Variants in CCDC185 observed in about 807,000 individuals in gnomAD.
CCDC185 encodes the protein coiled-coil domain containing 185, also known as coiled-coil domain-containing protein 185.
For synonymous variants in CCDC185, 381 were observed against 348.1 expected, an observed-to-expected ratio of 1.09 and a Z score of -1.05; for missense variants, 982 against 825.3, an observed-to-expected ratio of 1.19 and a Z score of -2.33.
Position 223,394,214 on chromosome 1 carries a change from C to A in CCDC185, c.739C>A (p.Leu247Met). ...SPHTQVLKSK[L>M]EEVVVSSQDQ... ...GCACACCCAGGTCCTGAAGAGCAAG[C>A]TGGAAGAGGTGGTGGTGTCCTCCCA... The change falls in exon 1 of 1, where the codon CTG (leucine) becomes ATG (methionine). Residue 247 changes from leucine to methionine, a missense_variant. Coordinates refer to ENST00000366875, the MANE Select transcript of CCDC185 (RefSeq NM_152610.3). 1 of 1,613,974 alleles carries A rather than the reference C, an allele frequency of 6.2e-7. No homozygotes were observed. The highest frequency in any genetic ancestry group is 8.5e-7 in the Non-Finnish European group (1 of 1,180,032).
At position 223,394,941 on chromosome 1, in the gene CCDC185, G is replaced by A. The variant is rs1669642422; in HGVS notation, c.1466G>A (p.Arg489Lys). The change falls in exon 1 of 1, where the codon AGG becomes AAG. Residue 489 changes from arginine to lysine, a missense_variant. By Grantham distance (26) the Arg-to-Lys change is conservative. Coordinates refer to ENST00000366875, the MANE Select transcript of CCDC185 (RefSeq NM_152610.3). ...QKEEEQLQQA[R>K]WRAGESEEQR... Reference sequence around the variant, plus strand: ...GAGGAAGAGCAGTTGCAGCAGGCCAGGTGGCGCGCAGGGGAGTCAGAGGAA... The same window carrying A: ...GAGGAAGAGCAGTTGCAGCAGGCCAAGTGGCGCGCAGGGGAGTCAGAGGAA... 1 of 1,614,196 alleles carries A rather than the reference G, an allele frequency of 6.2e-7. No individual in the cohort carries two copies. Among genetic ancestry groups the A allele is most frequent in the East Asian group, 2.2e-5 (1 of 44,866 alleles).
Position 223,394,490 on chromosome 1 carries a change from G to A in CCDC185, c.1015G>A (p.Val339Met), listed in dbSNP as rs1248463970. The change falls in exon 1 of 1, where the codon GTG (valine) becomes ATG (methionine). Residue 339 changes from valine (V) to methionine (M), a missense_variant. Physicochemically the swap from Val to Met is conservative, Grantham distance 21 (BLOSUM62 1). Coordinates refer to ENST00000366875, the MANE Select transcript of CCDC185 (RefSeq NM_152610.3). ...GLRRDSQRKN[V>M]PPGESRWKEQ... ...GCGGCGGGACAGCCAGAGGAAGAACGTGCCCCCGGGGGAAAGCCGGTGGAA... is the reference window on the plus strand; with the variant it reads ...GCGGCGGGACAGCCAGAGGAAGAACATGCCCCCGGGGGAAAGCCGGTGGAA... 1.9e-6 allele frequency: 3 copies of A among 1,580,182 alleles called. No individual in the cohort carries two copies. Among genetic ancestry groups the A allele is most frequent in the East Asian group, 4.7e-5 (2 of 43,004 alleles).
In CCDC185 at chr1:223,395,108, A is replaced by G. The variant is rs1669645885; in HGVS notation, c.1633A>G (p.Ile545Val). The change falls in exon 1 of 1, where the codon ATC becomes GTC. Residue 545 changes from isoleucine to valine, a missense_variant. By Grantham distance (29) the Ile-to-Val change is conservative. Transcript: ENST00000366875. ...CCACCTGAGGGAGAAAAACCACCAC[A>G]TCCTGAAACTGAAAGCCGAGAAGGA... is the stretch of plus-strand genomic sequence containing the variant. Reference protein sequence around the residue: ...LNHLREKNHHILKLKAEKEEK... With the variant: ...LNHLREKNHHVLKLKAEKEEK... 3 of 1,614,052 alleles carry G rather than the reference A, an allele frequency of 1.9e-6. No individual in the cohort carries two copies. Among genetic ancestry groups the G allele is most frequent in the South Asian group, 2.2e-5 (2 of 91,086 alleles).
Position 223,395,019 on chromosome 1 carries a change from G to C in CCDC185, c.1544G>C (p.Arg515Pro), listed in dbSNP as rs567512159. Residue 515 changes from arginine to proline, a missense_variant, in exon 1 of 1, where the codon CGA becomes CCA. Coordinates refer to ENST00000366875, the MANE Select transcript of CCDC185 (RefSeq NM_152610.3). The part of the protein sequence containing the change: ...ILVELADEKI[R>P]QARSHVHKTT... ...GTGGAGCTGGCGGATGAGAAGATCC[G>C]ACAGGCCAGGAGTCACGTGCACAAG... 4.3e-6 allele frequency: 7 copies of C among 1,614,028 alleles called. No homozygotes were observed. Among genetic ancestry groups the C allele is most frequent in the Admixed American group, 1.7e-5 (1 of 60,008 alleles).
In CCDC185 at chr1:223,394,358, C is replaced by G. The variant is rs962124709; in HGVS notation, c.883C>G (p.Gln295Glu). Reference protein sequence around the residue: ...EELKRSDQKVQMTLERERRLL... With the variant: ...EELKRSDQKVEMTLERERRLL... The stretch of plus-strand genomic sequence containing the variant: ...GCTGAAGCGCTCGGATCAGAAGGTC[C>G]AGATGACCCTGGAGCGGGAGCGCCG... The change falls in exon 1 of 1, where the codon CAG becomes GAG. Residue 295 changes from glutamine (Q) to glutamate (E), a missense_variant. Transcript: ENST00000366875. 2 of 1,587,688 alleles carry G rather than the reference C, an allele frequency of 1.3e-6. No individual in the cohort carries two copies. Among genetic ancestry groups the G allele is most frequent in the Admixed American group, 3.6e-5 (2 of 55,068 alleles).
rs1279330578 is a variant in CCDC185 at position 223,394,674 on chromosome 1, G to A, written c.1199G>A (p.Arg400Lys). The A allele has an allele frequency of 6.2e-7, 1 of 1,612,924 alleles. No homozygotes were observed. Among genetic ancestry groups the A allele is most frequent in the Non-Finnish European group, 8.5e-7 (1 of 1,179,838 alleles). Reference sequence around the variant, plus strand: ...CAGCACAGCCTGCAGCTGCAGAGGAGGCTGGTGGAAGCCTGTCGCAAGAGG... The same window carrying A: ...CAGCACAGCCTGCAGCTGCAGAGGAAGCTGGTGGAAGCCTGTCGCAAGAGG... ...REQHSLQLQR[R>K]LVEACRKRHL... The change falls in exon 1 of 1, where the codon AGG becomes AAG. Residue 400 changes from arginine to lysine, a missense_variant. By Grantham distance (26) the Arg-to-Lys change is conservative. Transcript: ENST00000366875.
Position 223,393,552 on chromosome 1 carries a change from A to G in CCDC185, c.77A>G (p.Glu26Gly). The G allele has an allele frequency of 1.3e-6, 2 of 1,556,426 alleles. No homozygotes were observed. The highest frequency in any genetic ancestry group is 1.7e-6 in the Non-Finnish European group (2 of 1,153,004). The change falls in exon 1 of 1, where the codon GAG becomes GGG. Residue 26 changes from glutamate (E) to glycine (G), a missense_variant. Physicochemically the swap from Glu to Gly is moderately conservative, Grantham distance 98. Coordinates refer to ENST00000366875, the MANE Select transcript of CCDC185 (RefSeq NM_152610.3). This position sits in a 1 kb window ranked among gnomAD's most constrained non-coding sequence, Gnocchi z 4.8. ...WEPPRPGGER[E>G]STQRLGGQRS... ...CCCCCGCGGCCCGGCGGAGAACGAG[A>G]GTCCACGCAGCGGCTGGGCGGGCAG...
At position 223,395,374 on chromosome 1, in the gene CCDC185, C is replaced by G; in HGVS notation, c.*27C>G. On this transcript the variant is annotated 3_prime_UTR_variant, in exon 1 of 1. Transcript: ENST00000366875. Reference sequence around the variant, plus strand: ...AACCAAGGACGCCTGGCTTACAGTGCGCAGCCAGAAGGAGATGTGGCAATG... The same window carrying G: ...AACCAAGGACGCCTGGCTTACAGTGGGCAGCCAGAAGGAGATGTGGCAATG... 6.7e-7 allele frequency: 1 copy of G among 1,487,360 alleles called. No homozygotes were observed. The highest frequency in any genetic ancestry group is 8.9e-7 in the Non-Finnish European group (1 of 1,119,486). 92.1% of individuals were successfully genotyped at this position (1,487,360 alleles called of 1,614,324 possible).
In CCDC185 at chr1:223,394,216, G is replaced by C. The variant is rs751373210; in HGVS notation, c.741G>C (p.Leu247=). The change falls in exon 1 of 1, where the codon CTG becomes CTC. Residue 247 remains leucine (L), a synonymous_variant. Coordinates refer to ENST00000366875, the MANE Select transcript of CCDC185 (RefSeq NM_152610.3). Reference sequence around the variant, plus strand: ...ACACCCAGGTCCTGAAGAGCAAGCTGGAAGAGGTGGTGGTGTCCTCCCAGG... The same window carrying C: ...ACACCCAGGTCCTGAAGAGCAAGCTCGAAGAGGTGGTGGTGTCCTCCCAGG... ...SPHTQVLKSK[L]EEVVVSSQDQ... 3.7e-6 allele frequency: 6 copies of C among 1,614,006 alleles called. No homozygotes were observed. The South Asian group carries it at 5.5e-5, about 15-fold the overall frequency.
chr1:223,394,289 AG>A, the CCDC185 span: 9 of 1,613,108 alleles, frequency 5.6e-6, no homozygotes, highest in Non-Finnish European at 7.6e-6. Context: ...GAAGGCCCAG[AG>A]GATACGGGAG....
Position 223,395,401 on chromosome 1 carries a change from G to A in CCDC185, c.*54G>A. The A allele has an allele frequency of 7.0e-7, 1 of 1,432,010 alleles. No homozygotes were observed. The highest frequency in any genetic ancestry group is 1.4e-5 in the African/African-American group (1 of 69,972). 88.7% of individuals were successfully genotyped at this position (1,432,010 alleles called of 1,614,324 possible). ...CAGCCAGAAGGAGATGTGGCAATGT[G>A]ATTCCTTTTGTAATCTGATTATAAT... On this transcript the variant is annotated 3_prime_UTR_variant, in exon 1 of 1. Transcript: ENST00000366875.
rs368939053 is a variant in CCDC185 at position 223,394,858 on chromosome 1, G to T, written c.1383G>T (p.Glu461Asp). ...SLEQSFQRSQ[E>D]IHQGLRKERQ... is the part of the protein sequence containing the mutation. ...AACAAAGTTTCCAGCGGTCCCAGGAGATACACCAGGGCCTGAGGAAGGAGC... is the reference window on the plus strand; with the variant it reads ...AACAAAGTTTCCAGCGGTCCCAGGATATACACCAGGGCCTGAGGAAGGAGC... The change falls in exon 1 of 1, where the codon GAG becomes GAT. Residue 461 changes from glutamate to aspartate, a missense_variant. Glu to Asp is a conservative substitution (Grantham distance 45). Coordinates refer to ENST00000366875, the MANE Select transcript of CCDC185 (RefSeq NM_152610.3). The T allele has an allele frequency of 6.2e-7, 1 of 1,614,154 alleles. No individual in the cohort carries two copies. Among genetic ancestry groups the T allele is most frequent in the Non-Finnish European group, 8.5e-7 (1 of 1,180,024 alleles).
rs375916677 is a variant in CCDC185 at position 223,395,036 on chromosome 1, G to A, written c.1561G>A (p.Val521Met). The A allele has an allele frequency of 1.2e-4, 187 of 1,614,036 alleles. 2 individuals are homozygous for A. The South Asian group carries it at 1.5e-3, about 13-fold the overall frequency. ...DEKIRQARSH[V>M]HKTTRDKVQH... ...GAAGATCCGACAGGCCAGGAGTCAC[G>A]TGCACAAGACCACTAGGGACAAGGT... The change falls in exon 1 of 1, where the codon GTG (valine) becomes ATG (methionine). Residue 521 changes from valine (V) to methionine (M), a missense_variant. Physicochemically the swap from Val to Met is conservative, Grantham distance 21. Transcript: ENST00000366875.
chr1:223,395,048 A>G lies in CCDC185; in HGVS notation c.1573A>G (p.Thr525Ala). The G allele has an allele frequency of 6.2e-7, 1 of 1,613,978 alleles. No individual in the cohort carries two copies. Among genetic ancestry groups the G allele is most frequent in the Non-Finnish European group, 8.5e-7 (1 of 1,179,974 alleles). The change falls in exon 1 of 1, where the codon ACT becomes GCT. Residue 525 changes from threonine (T) to alanine (A), a missense_variant. Physicochemically the swap from Thr to Ala is moderately conservative, Grantham distance 58 (BLOSUM62 0). Coordinates refer to ENST00000366875, the MANE Select transcript of CCDC185 (RefSeq NM_152610.3). ...RQARSHVHKTTRDKVQHLREL... is the reference protein window; with the variant it reads ...RQARSHVHKTARDKVQHLREL... ...GGCCAGGAGTCACGTGCACAAGACC[A>G]CTAGGGACAAGGTGCAGCACCTCCG...
At position 223,395,049 on chromosome 1, in the gene CCDC185, C is replaced by A; in HGVS notation, c.1574C>A (p.Thr525Asn). 6.2e-7 allele frequency: 1 copy of A among 1,613,676 alleles called. No individual in the cohort carries two copies. The highest frequency in any genetic ancestry group is 2.2e-5 in the East Asian group (1 of 44,770). Reference sequence around the variant, plus strand: ...GCCAGGAGTCACGTGCACAAGACCACTAGGGACAAGGTGCAGCACCTCCGG... The same window carrying A: ...GCCAGGAGTCACGTGCACAAGACCAATAGGGACAAGGTGCAGCACCTCCGG... The part of the protein sequence containing the change: ...RQARSHVHKT[T>N]RDKVQHLREL... Residue 525 changes from threonine (T) to asparagine (N), a missense_variant, in exon 1 of 1, where the codon ACT (threonine) becomes AAT (asparagine). By Grantham distance (65) the Thr-to-Asn change is moderately conservative. Coordinates refer to ENST00000366875, the MANE Select transcript of CCDC185 (RefSeq NM_152610.3).
Position 223,395,006 on chromosome 1 carries a change from G to T in CCDC185, c.1531G>T (p.Asp511Tyr). 6.2e-7 allele frequency: 1 copy of T among 1,614,090 alleles called. No homozygotes were observed. The highest frequency in any genetic ancestry group is 8.5e-7 in the Non-Finnish European group (1 of 1,180,010). The change falls in exon 1 of 1, where the codon GAT (aspartate) becomes TAT (tyrosine). Residue 511 changes from aspartate to tyrosine, a missense_variant. Coordinates refer to ENST00000366875, the MANE Select transcript of CCDC185 (RefSeq NM_152610.3). ...CAAAAGAATTCTGGTGGAGCTGGCG[G>T]ATGAGAAGATCCGACAGGCCAGGAG... ...MRKRILVELA[D>Y]EKIRQARSHV... is the part of the protein sequence containing the mutation.
chr1:223,394,299 A>AGCT lies in CCDC185; in HGVS notation c.827_829dup (p.Leu276dup). 1 of 1,612,762 alleles carries AGCT rather than the reference A, an allele frequency of 6.2e-7. No homozygotes were observed. Among genetic ancestry groups the AGCT allele is most frequent in the Non-Finnish European group, 8.5e-7 (1 of 1,179,642 alleles). On this transcript the variant is annotated inframe_insertion, in exon 1 of 1. Transcript: ENST00000366875. ...CTCAAGAAGGCCCAGAGGATACGGG[A>AGCT]GCTGCAGCAGCAGGCGGCTAAGGCC... is the stretch of plus-strand genomic sequence containing the variant.
rs1669649672 is a variant in CCDC185, at chr1:223,395,257, G to A, written c.1782G>A (p.Arg594=). The change falls in exon 1 of 1, where the codon AGG becomes AGA. Residue 594 remains arginine, a synonymous_variant. Coordinates refer to ENST00000366875, the MANE Select transcript of CCDC185 (RefSeq NM_152610.3). ...QEFQKLPQAS[R]REERAPPNSS... ...TCCAGAAGCTCCCTCAGGCCTCCAGGAGAGAGGAGAGAGCGCCTCCCAACA... is the reference window on the plus strand; with the variant it reads ...TCCAGAAGCTCCCTCAGGCCTCCAGAAGAGAGGAGAGAGCGCCTCCCAACA... The A allele has an allele frequency of 6.3e-7, 1 of 1,592,046 alleles. No individual in the cohort carries two copies. The highest frequency in any genetic ancestry group is 2.2e-5 in the East Asian group (1 of 44,786).
In CCDC185 at chr1:223,393,866, C is replaced by A; in HGVS notation, c.391C>A (p.Arg131=). ...GCCGCAGACCCAGCTGCCACCCCAG[C>A]GGCCGCAGCCCTGCCCGCATTACCC... ...WQPQTQLPPQ[R]PQPCPHYPLA... Residue 131 remains arginine, a synonymous_variant, in exon 1 of 1, where the codon CGG becomes AGG. Coordinates refer to ENST00000366875, the MANE Select transcript of CCDC185 (RefSeq NM_152610.3). The surrounding 1 kb of genome is among the most constrained non-coding windows in gnomAD (Gnocchi z 4.8). The A allele has an allele frequency of 1.9e-6, 3 of 1,605,004 alleles. No homozygotes were observed. The highest frequency in any genetic ancestry group is 2.5e-6 in the Non-Finnish European group (3 of 1,176,482).
Sources: gnomAD v4.1 joint callset for allele counts on GRCh38, gnomAD v4.1.1 for gene constraint, Gnocchi (gnomAD v3.1) non-coding constraint, MANE v1.5 for transcripts, NCBI Gene and HGNC (gene_info 2026-07-23, HGNC 2026-07-21) for gene names.